FRK: variants seen among roughly 807,000 people sequenced by gnomAD.
The protein encoded by FRK is fyn related Src family tyrosine kinase, also known as tyrosine-protein kinase FRK.
In FRK, 51 loss-of-function variants were observed where a neutral mutation model predicts 56.4. That is an observed-to-expected ratio of 0.90 (90% CI 0.72 to 1.14). FRK has a LOEUF of 1.14. Among genes scored for constraint, FRK ranks in the 50% most tolerant of loss-of-function variants. FRK has a pLI of 0.00. For missense variants in FRK, 570 were observed against 601.4 expected (o/e 0.95, Z 0.55); for synonymous variants, 245 against 217.9 (o/e 1.12, Z -1.10).
intron 1 of FRK, among the ~76,000 whole-genome samples, chr6:116,022,082 G>A (rs1371841399): frequency 6.6e-6 from 1 of 151,876 alleles, no homozygotes; most frequent in East Asian, 1.9e-4. Flanking sequence ...GAAATCGACA[G>A]GTTCCCCAAT....
chr6:116,001,643 T>G (rs1347486809), intron 2 of FRK, among the ~76,000 whole-genome samples: 1 of 152,192 alleles, frequency 6.6e-6, no homozygotes, highest in Admixed American at 6.5e-5. Context: ...TATTGACCAC[T>G]CAGAACTAAG....
Position 115,942,609 on chromosome 6 carries a change from C to A in FRK, c.1323G>T (p.Gln441His). Reference protein sequence around the residue: ...KMPYSGMTGAQVIQMLAQNYR... With the variant: ...KMPYSGMTGAHVIQMLAQNYR... ...AGTTTTGAGCCAACATCTGGATTAC[C>A]TGGGCACCTGTCATACCTTGAAAAT... Residue 441 changes from glutamine to histidine, a missense_variant, in exon 8 of 8, where the codon CAG (glutamine) becomes CAT (histidine). Physicochemically the swap from Gln to His is conservative, Grantham distance 24 (BLOSUM62 0). Transcript: ENST00000606080. The A allele has an allele frequency of 6.2e-7, 1 of 1,613,420 alleles. No homozygotes were observed. The highest frequency in any genetic ancestry group is 8.5e-7 in the Non-Finnish European group (1 of 1,179,568).
At position 115,987,840 on chromosome 6, in the gene FRK, A is replaced by G. The variant is rs144353157; in HGVS notation, c.466+16037T>C. 1.7e-3 allele frequency among the ~76,000 whole-genome samples: 265 copies of G among 152,246 alleles called. 1 individual carries two copies. The highest frequency in any genetic ancestry group is 6.2e-3 in the African/African-American group (258 of 41,550). Reference sequence around the variant, plus strand: ...GGATCATCTCTTTGTTCGGGACTATACATACAACAGATATATAGAAAGTGC... The same window carrying G: ...GGATCATCTCTTTGTTCGGGACTATGCATACAACAGATATATAGAAAGTGC... On this transcript the variant is annotated intron_variant, in intron 2 of 7. Coordinates refer to ENST00000606080, the MANE Select transcript of FRK (RefSeq NM_002031.3).
At chr6:115,992,641 T>C (rs1774657144) in intron 2 of FRK, among the ~76,000 whole-genome samples, 1 of 151,844 alleles carries the variant, frequency 6.6e-6, no homozygotes, top group Non-Finnish European at 1.5e-5. Flanking sequence ...CAAAACACCA[T>C]GCTATGTCTT....
chr6:115,997,826 T>C (rs759872549), intron 2 of FRK, among the ~76,000 whole-genome samples: 29 of 152,196 alleles, frequency 1.9e-4, no homozygotes, highest in Non-Finnish European at 3.7e-4. Context: ...AAGGGTTCAC[T>C]AGGCCTGTCC....
At chr6:115,957,814 T>C (rs917339158) in intron 4 of FRK, among the ~76,000 whole-genome samples, 1 of 152,214 alleles carries the variant, frequency 6.6e-6, no homozygotes, top group Non-Finnish European at 1.5e-5. Flanking sequence ...TTGAGCAAGT[T>C]ATCAAACCTC....
upstream of FRK, among the ~76,000 whole-genome samples, chr6:116,061,063 C>T (rs761730624): frequency 1.3e-4 from 20 of 152,182 alleles, no homozygotes; most frequent in Non-Finnish European, 2.6e-4. Context: ...AACAGGCTAG[C>T]CCAGGTAGCT....
At chr6:115,958,634 GGAAAGAAAGAAAAGAAAGAAAGAAAGAAA>G (rs1773115244) in intron 4 of FRK, among the ~76,000 whole-genome samples, 1 of 55,754 alleles carries the variant, frequency 1.8e-5, no homozygotes, top group Non-Finnish European at 3.5e-5. Context: ...TCTCAAAAAA[GGAAAGAAAGAAAAGAAAGAAAGAAAGAAA>G]GAAAGAAAGA....
intron 2 of FRK, among the ~76,000 whole-genome samples, chr6:115,982,614 T>C (rs1021011609): frequency 1.3e-5 from 2 of 152,268 alleles, no homozygotes; most frequent in Non-Finnish European, 2.9e-5. Context: ...ATCTTCCTAA[T>C]GACCCTTACT....
At chr6:116,000,217 T>G in intron 2 of FRK, among the ~76,000 whole-genome samples, 1 of 87,868 alleles carries the variant, frequency 1.1e-5, no homozygotes, top group African/African-American at 4.3e-5. Context: ...GAAAATATCA[T>G]TCTTTCTTTT....
At chr6:115,943,306 T>C (rs1772275773) in intron 6 of FRK, 121 bp from the exon 7 acceptor site, 1 of 665,152 alleles carries the variant, frequency 1.5e-6, no homozygotes, top group Non-Finnish European at 2.5e-6. Flanking sequence ...ATGAGCTTAG[T>C]TCAACTGACA....
rs184845006 is a variant in FRK at position 116,015,367 on chromosome 6, C to A, written c.345-11369G>T. 1.9e-3 allele frequency among the ~76,000 whole-genome samples: 286 copies of A among 152,292 alleles called. 3 individuals are homozygous for A. Among genetic ancestry groups the A allele is most frequent in the African/African-American group, 6.4e-3 (268 of 41,564 alleles). The stretch of plus-strand genomic sequence containing the variant: ...GATTGTAAGTTTCCCGAGTCTTCCC[C>A]AGCCATCCAGAACTGTGAGACAATT... On this transcript the variant is annotated intron_variant, in intron 1 of 7. Transcript: ENST00000606080.
At chr6:115,969,027 T>C (rs1475552651) in intron 2 of FRK, among the ~76,000 whole-genome samples, 1 of 152,114 alleles carries the variant, frequency 6.6e-6, no homozygotes, top group Non-Finnish European at 1.5e-5. Flanking sequence ...AAACAAGCCA[T>C]AAAATTGACT....
At chr6:116,068,574 G>A in the FRK span, among the ~76,000 whole-genome samples, 3 of 152,160 alleles carry the variant, frequency 2.0e-5, no homozygotes, top group Non-Finnish European at 4.4e-5. Flanking sequence ...GTGTTGGCAT[G>A]CCATGTCCTT....
chr6:116,094,306 C>A, the FRK span, among the ~76,000 whole-genome samples: 2 of 152,284 alleles, frequency 1.3e-5, no homozygotes, highest in South Asian at 2.1e-4. Context: ...CATGTCATAA[C>A]CCTCACTGAG....
chr6:116,086,143 C>A, the FRK span, among the ~76,000 whole-genome samples: 6 of 152,032 alleles, frequency 3.9e-5, no homozygotes, highest in Non-Finnish European at 8.8e-5. Flanking sequence ...GTAGCTTGGA[C>A]TACAGGTACC....
chr6:115,942,315 G>A lies in FRK; in HGVS notation c.*99C>T, dbSNP rs1392908134. The stretch of plus-strand genomic sequence containing the variant: ...TTTATCCTATCACTTGAATATGTCA[G>A]GATAAACTGATTGTGCAGTTGGTTG... On this transcript the variant is annotated 3_prime_UTR_variant, in exon 8 of 8. Transcript: ENST00000606080. The A allele has an allele frequency of 2.0e-6, 2 of 987,282 alleles. No individual in the cohort carries two copies. The highest frequency in any genetic ancestry group is 3.1e-6 in the Non-Finnish European group (2 of 644,018). 61.2% of individuals were successfully genotyped at this position (987,282 alleles called of 1,614,324 possible). A position where few individuals can be genotyped will look rare whatever the true frequency, so the allele number is the denominator to read the frequency against.
Position 115,958,802 on chromosome 6 carries a change from GAAAGAAAGAAAGAAAGAA to G in FRK, c.800-2210_800-2193del, listed in dbSNP as rs548925355. On this transcript the variant is annotated intron_variant, in intron 4 of 7. Transcript: ENST00000606080. The stretch of plus-strand genomic sequence containing the variant: ...AAGGAGAGAGAGAAAGAAAGAAAAA[GAAAGAAAGAAAGAAAGAA>G]AAAGAAAGAAAGAAAGAAAGAGAAA... 2.1e-3 allele frequency among the ~76,000 whole-genome samples: 121 copies of G among 57,892 alleles called. 4 individuals are homozygous for G. Among genetic ancestry groups the G allele is most frequent in the African/African-American group, 7.0e-3 (91 of 13,016 alleles). The allele number at this position is 57,892 out of a possible 152,430, so 38.0% of individuals were successfully genotyped here.
chr6:116,013,892 C>G (rs1775555680), intron 1 of FRK, among the ~76,000 whole-genome samples: 1 of 151,988 alleles, frequency 6.6e-6, no homozygotes, highest in South Asian at 2.1e-4. Context: ...GTTTCTCTTG[C>G]AAAAAGTAAA....
Sources: gnomAD v4.1 joint callset for allele counts (sites outside exome capture counted in the v4.1 genomes callset) on GRCh38, gnomAD v4.1.1 for gene constraint, MANE v1.5 for transcripts, NCBI Gene and HGNC (gene_info 2026-07-23, HGNC 2026-07-21) for gene names.